SORT1: variants seen among roughly 807,000 people sequenced by gnomAD.
The protein encoded by SORT1 is sortilin 1.
SORT1 carries 39 observed loss-of-function variants against 101.7 expected under a neutral mutation model. The observed-to-expected ratio is 0.38, with a 90% CI of 0.30 to 0.50. The LOEUF is 0.50. SORT1 is among the 20% of genes least tolerant of loss of function. The pLI is 0.90. For synonymous variants in SORT1, 396 were observed against 393.7 expected, an observed-to-expected ratio of 1.01 and a Z score of -0.07; for missense variants, 878 against 1,040.4, an observed-to-expected ratio of 0.84 and a Z score of 2.15.
At chr1:109,346,744 C>CAAAA (rs1035471524) in intron 7 of SORT1, among the ~76,000 whole-genome samples, 1 of 46,726 alleles carries the variant, frequency 2.1e-5, no homozygotes, top group East Asian at 7.2e-4. Context: ...GACTCCGTCT[C>CAAAA]AAAAAAAAAA....
At chr1:109,342,236 A>C (rs1649276109) in intron 8 of SORT1, 78 bp from the exon 9 acceptor site, 2 of 1,073,336 alleles carry the variant, frequency 1.9e-6, no homozygotes, top group African/African-American at 3.1e-5. Flanking sequence ...AGAATGTTTT[A>C]AATAACTACT....
chr1:109,373,022 T>C (rs1651587095), intron 1 of SORT1, among the ~76,000 whole-genome samples: 1 of 151,690 alleles, frequency 6.6e-6, no homozygotes, highest in Non-Finnish European at 1.5e-5. Context: ...GCCACTGCAC[T>C]CTAGCCTGTG....
chr1:109,355,767 G>A (rs1650277812), intron 3 of SORT1, among the ~76,000 whole-genome samples: 1 of 151,420 alleles, frequency 6.6e-6, no homozygotes, highest in Non-Finnish European at 1.5e-5. Context: ...GAAGCACACT[G>A]CCTCCCACTT....
intron 3 of SORT1, among the ~76,000 whole-genome samples, chr1:109,364,657 G>A (rs1382602381): frequency 6.6e-6 from 1 of 152,196 alleles, no homozygotes; most frequent in Non-Finnish European, 1.5e-5. Context: ...TTGCATGTTG[G>A]CAGGGGCTAG....
In SORT1 at chr1:109,397,655, G is replaced by A. The variant is rs1426287827; in HGVS notation, c.238C>T (p.Pro80Ser). The change falls in exon 1 of 20, where the codon CCG becomes TCG. Residue 80 changes from proline to serine, a missense_variant. Pro to Ser is a moderately conservative substitution (Grantham distance 74, BLOSUM62 -1). Transcript: ENST00000256637. ...PRGGRWRRSA[P>S]GEDEECGRVR... ...CGGCCGCACTCCTCGTCCTCGCCCG[G>A]CGCGCTGCGACGCCAACGGCCGCCG... 3.2e-6 allele frequency: 4 copies of A among 1,231,740 alleles called. No homozygotes were observed. The highest frequency in any genetic ancestry group is 2.0e-5 in the South Asian group (1 of 50,038). The allele number at this position is 1,231,740 out of a possible 1,614,324, so 76.3% of individuals were successfully genotyped here.
intron 9 of SORT1, 90 bp from the exon 10 acceptor site, chr1:109,340,969 C>T: frequency 6.8e-6 from 7 of 1,025,568 alleles, no homozygotes; most frequent in Non-Finnish European, 8.5e-6. Flanking sequence ...ACCTGCCTGA[C>T]CAAACACAGT....
At chr1:109,315,067 T>C (rs67712064) in intron 17 of SORT1, among the ~76,000 whole-genome samples, 2,801 of 152,220 alleles carry the variant, frequency 0.018, 93 homozygotes, top group African/African-American at 0.064. Flanking sequence ...TCAAGTATGA[T>C]TGCTTCACAC....
chr1:109,397,747 CGCGGCAGCGGCGCAGCGG>C lies in SORT1; in HGVS notation c.128_145del (p.Pro43_Pro48del), dbSNP rs1478705875. 2 of 1,197,360 alleles carry C rather than the reference CGCGGCAGCGGCGCAGCGG, an allele frequency of 1.7e-6. No individual in the cohort carries two copies. The highest frequency in any genetic ancestry group is 2.7e-5 in the South Asian group (1 of 37,140). The allele number at this position is 1,197,360 out of a possible 1,614,324, so 74.2% of individuals were successfully genotyped here. A position where few individuals can be genotyped will look rare whatever the true frequency, so the allele number is the denominator to read the frequency against. ...GCTCACCCCGATGGGGCCAGACCAG[CGCGGCAGCGGCGCAGCGG>C]GCGGCGGCGGCGCGTCCAGCCGGTC... On this transcript the variant is annotated inframe_deletion, in exon 1 of 20. Transcript: ENST00000256637.
intron 11 of SORT1, among the ~76,000 whole-genome samples, chr1:109,328,873 T>C (rs967861949): frequency 6.6e-6 from 1 of 152,180 alleles, no homozygotes; most frequent in Non-Finnish European, 1.5e-5. Flanking sequence ...AGTGGACCCC[T>C]GCATCAGGCC....
chr1:109,361,826 C>T (rs965355664), intron 3 of SORT1, among the ~76,000 whole-genome samples: 1 of 152,128 alleles, frequency 6.6e-6, no homozygotes, highest in Non-Finnish European at 1.5e-5. Context: ...CATAGAGCAG[C>T]AAAAATGTGA....
In SORT1 at chr1:109,397,733, T is replaced by G; in HGVS notation, c.160A>C (p.Ile54Leu). 1 of 1,186,962 alleles carries G rather than the reference T, an allele frequency of 8.4e-7. No individual in the cohort carries two copies. 73.5% of individuals were successfully genotyped at this position (1,186,962 alleles called of 1,614,324 possible). Residue 54 changes from isoleucine to leucine, a missense_variant, in exon 1 of 20, where the codon ATC becomes CTC. By Grantham distance (5) the Ile-to-Leu change is conservative. Around this residue, in one of 2 missense-constraint regions of SORT1, gnomAD observed 194 missense variants for 145.9 expected, o/e 1.33. Coordinates refer to ENST00000256637, the MANE Select transcript of SORT1 (RefSeq NM_002959.7). The part of the protein sequence containing the change: ...AAPLPRWSGP[I>L]GVSWGLRAAA... ...GCCCGCAGCCCCCAGCTCACCCCGA[T>G]GGGGCCAGACCAGCGCGGCAGCGGC...
intron 1 of SORT1, chr1:109,393,027 C>T (rs910647857): frequency 1.0e-6 from 1 of 985,426 alleles, no homozygotes; most frequent in Non-Finnish European, 1.2e-6. Context: ...AAGGACTGAC[C>T]TTCAGACTTC....
Position 109,313,910 on chromosome 1 carries a change from G to T in SORT1, c.*133C>A. On this transcript the variant is annotated 3_prime_UTR_variant, in exon 20 of 20. Transcript: ENST00000256637. ...CATTTCTTTAGTGTAGGTCCTTTTG[G>T]CTTTGATGGAAGCAGCAGAAACAGA... 2 of 750,552 alleles carry T rather than the reference G, an allele frequency of 2.7e-6. No individual in the cohort carries two copies. The highest frequency in any genetic ancestry group is 2.7e-5 in the Admixed American group (1 of 36,568). 46.5% of individuals were successfully genotyped at this position (750,552 alleles called of 1,614,324 possible).
intron 10 of SORT1, among the ~76,000 whole-genome samples, chr1:109,338,169 A>G (rs1472658252): frequency 6.6e-6 from 1 of 152,216 alleles, no homozygotes; most frequent in Non-Finnish European, 1.5e-5. Flanking sequence ...TCTCATTCAA[A>G]AAGTAATACA....
chr1:109,390,733 C>T (rs1652852352), intron 1 of SORT1, among the ~76,000 whole-genome samples: 1 of 151,126 alleles, frequency 6.6e-6, no homozygotes, highest in Admixed American at 6.6e-5. Flanking sequence ...TGCAAACTGG[C>T]TTCAGTACAA....
chr1:109,354,595 T>TA, intron 4 of SORT1, 64 bp from the exon 5 acceptor site: 1 of 1,241,536 alleles, frequency 8.1e-7, no homozygotes, highest in Non-Finnish European at 1.1e-6. Flanking sequence ...CAGGAGTTCT[T>TA]ACACCATTTT....
At position 109,318,751 on chromosome 1, in the gene SORT1, C is replaced by T. The variant is rs12088828; in HGVS notation, c.2025-782G>A. ...CACTGTAGCTTCAACCATCTGGGCT[C>T]AAGTGATCTTTCCGCTTCAGCCTCC... On this transcript the variant is annotated intron_variant, in intron 15 of 19. Transcript: ENST00000256637. Among the ~76,000 whole-genome samples, 1,119 of 152,222 alleles carry T rather than the reference C, an allele frequency of 7.4e-3. 18 individuals carry two copies. Among genetic ancestry groups the T allele is most frequent in the African/African-American group, 0.025 (1,040 of 41,540 alleles).
intron 1 of SORT1, among the ~76,000 whole-genome samples, chr1:109,370,329 G>C (rs1298793985): frequency 6.6e-6 from 1 of 151,904 alleles, no homozygotes; most frequent in African/African-American, 2.4e-5. Context: ...ATTCATTAAA[G>C]AAGATGTAGA....
intron 1 of SORT1, 38 bp downstream of exon 1, chr1:109,397,549 T>C: frequency 8.8e-7 from 1 of 1,131,038 alleles, no homozygotes; most frequent in Non-Finnish European, 1.1e-6. Context: ...GGGCGGCACC[T>C]CGCACCCGAG....
Sources: gnomAD v4.1 joint callset for allele counts (sites outside exome capture counted in the v4.1 genomes callset) on GRCh38, gnomAD v4.1.1 for gene constraint, gnomAD v4.1.1 regional missense constraint, MANE v1.5 for transcripts, NCBI Gene and HGNC (gene_info 2026-07-23, HGNC 2026-07-21) for gene names.